CLCF1: variants seen among roughly 807,000 people sequenced by gnomAD.
The protein encoded by CLCF1 is cardiotrophin like cytokine factor 1, also known as cardiotrophin-like cytokine factor 1.
Under a neutral mutation model 21.2 loss-of-function variants are expected in CLCF1, and 10 were observed. That is an observed-to-expected ratio of 0.47 (90% CI 0.29 to 0.80). CLCF1 has a LOEUF of 0.80. Ranked by LOEUF, CLCF1 falls within the 30% of genes least tolerant of loss-of-function variation. The pLI is 0.09. For missense variants in CLCF1, 240 were observed against 293.4 expected (o/e 0.82, Z 1.33); for synonymous variants, 115 against 120.5 (o/e 0.95, Z 0.30).
upstream of CLCF1, chr11:67,374,158 G>C: frequency 1.0e-6 from 1 of 985,552 alleles, no homozygotes. Context: ...AAATGCCAGC[G>C]AGCTGGCCTG....
intron 1 of CLCF1, 96 bp downstream of exon 1, chr11:67,373,428 C>T: frequency 1.5e-6 from 1 of 656,456 alleles, no homozygotes; most frequent in Non-Finnish European, 2.4e-6. Flanking sequence ...GGCCCGGCCC[C>T]GGCGCGGGGC....
chr11:67,369,937 CT>C, intron 1 of CLCF1: 1 of 985,134 alleles, frequency 1.0e-6, no homozygotes, highest in Non-Finnish European at 1.2e-6. Flanking sequence ...AAAAAAACGG[CT>C]CATGAAATTA....
intron 1 of CLCF1, chr11:67,368,402 G>A (rs1177462221): frequency 2.0e-6 from 2 of 985,296 alleles, no homozygotes; most frequent in African/African-American, 1.7e-5. Flanking sequence ...GGGACAGGAA[G>A]GGAGAGAGGT....
At chr11:67,373,491 CG>C (rs1220779224) in intron 1 of CLCF1, 32 bp downstream of exon 1, 6 of 1,148,434 alleles carry the variant, frequency 5.2e-6, no homozygotes, top group Admixed American at 2.6e-5. Flanking sequence ...CTTGGCGGGG[CG>C]GGGGTCGGGG....
chr11:67,370,901 A>T, intron 1 of CLCF1: 2 of 985,452 alleles, frequency 2.0e-6, no homozygotes, highest in Non-Finnish European at 2.4e-6. Context: ...TGTTGCAGCC[A>T]GGGAGGCACT....
In CLCF1 at chr11:67,373,534, G is replaced by A. The variant is rs887392779; in HGVS notation, c.6C>T (p.Asp2=). 1.4e-5 allele frequency: 20 copies of A among 1,431,096 alleles called. No homozygotes were observed. The highest frequency in any genetic ancestry group is 4.5e-4 in the Middle Eastern group (2 of 4,418). The allele number at this position is 1,431,096 out of a possible 1,614,324, so 88.6% of individuals were successfully genotyped here. Residue 2 remains aspartate (D), a synonymous_variant, in exon 1 of 3, where the codon GAC becomes GAT. Coordinates refer to ENST00000312438, the MANE Select transcript of CLCF1 (RefSeq NM_013246.3). M[D]LRAGDSWGML... ...CCGCCTGGCTCCTACCTGCTCGGAG[G>A]TCCATGGGGCTGGGGCCGGGCCGGC...
intron 1 of CLCF1, chr11:67,371,207 C>T (rs1862226272): frequency 2.7e-6 from 1 of 376,236 alleles, no homozygotes; most frequent in Non-Finnish European, 3.7e-6. Context: ...GCTGCTTTCC[C>T]CTCTCTTACT....
intron 1 of CLCF1, chr11:67,370,452 A>G (rs1344405547): frequency 1.0e-6 from 1 of 974,650 alleles, no homozygotes; most frequent in Admixed American, 6.7e-5. Flanking sequence ...CTGCCCACTG[A>G]TTGTTTACAT....
intron 1 of CLCF1, chr11:67,370,124 G>T (rs1057056932): frequency 1.0e-6 from 1 of 985,294 alleles, no homozygotes; most frequent in African/African-American, 1.7e-5. Context: ...GAAAGGGGGG[G>T]TAGAAGGACA....
chr11:67,366,977 C>T (rs532226933), intron 2 of CLCF1, among the ~76,000 whole-genome samples: 1 of 152,114 alleles, frequency 6.6e-6, no homozygotes, highest in East Asian at 1.9e-4. Flanking sequence ...CAGTCCCCTT[C>T]CCCCATGACC....
In CLCF1 at chr11:67,367,544, G is replaced by A. The variant is rs771535281; in HGVS notation, c.99C>T (p.Asp33=). 1.2e-6 allele frequency: 2 copies of A among 1,614,178 alleles called. No individual in the cohort carries two copies. Among genetic ancestry groups the A allele is most frequent in the Admixed American group, 3.3e-5 (2 of 60,034 alleles). Residue 33 remains aspartate (D), a synonymous_variant, in exon 2 of 3, where the codon GAC becomes GAT. Coordinates refer to ENST00000312438, the MANE Select transcript of CLCF1 (RefSeq NM_013246.3). Reference sequence around the variant, plus strand: ...TCTGGATGGAGGGGCCAGGCCCTGGGTCCCCTGTGCGATTGAGAGCTGGCA... The same window carrying A: ...TCTGGATGGAGGGGCCAGGCCCTGGATCCCCTGTGCGATTGAGAGCTGGCA... The part of the protein sequence containing the change: ...PAVPALNRTG[D]PGPGPSIQKT...
chr11:67,365,700 G>A lies in CLCF1; in HGVS notation c.184-70C>T. 1.3e-6 allele frequency: 2 copies of A among 1,518,018 alleles called. No homozygotes were observed. Among genetic ancestry groups the A allele is most frequent in the Non-Finnish European group, 1.8e-6 (2 of 1,133,872 alleles). 94.0% of individuals were successfully genotyped at this position (1,518,018 alleles called of 1,614,324 possible). On this transcript the variant is annotated intron_variant, in intron 2 of 2. Transcript: ENST00000312438. This position sits in a 1 kb window ranked among gnomAD's most constrained non-coding sequence, Gnocchi z 5.0. ...CTGGCTCACCACCAAGGAGATACCT[G>A]CTCCCAAAGTTTCTATTTTTTGTGT...
upstream of CLCF1, chr11:67,373,978 GGCGTTGGCCT>G (rs1862293033): frequency 1.7e-5 from 15 of 859,424 alleles, no homozygotes; most frequent in Admixed American, 4.6e-4. Flanking sequence ...CTTCTCCCCA[GGCGTTGGCCT>G]GGGACACCGC....
At chr11:67,369,656 C>G (rs1590916273) in intron 1 of CLCF1, 2 of 985,444 alleles carry the variant, frequency 2.0e-6, no homozygotes, top group Non-Finnish European at 2.4e-6. Context: ...CTTTCAGCAT[C>G]GAGTCTGGCT....
intron 1 of CLCF1, 89 bp from the exon 2 acceptor site, chr11:67,367,715 T>G: frequency 7.2e-6 from 11 of 1,517,686 alleles, no homozygotes; most frequent in Admixed American, 3.9e-5. Context: ...GTCCCCACCT[T>G]GGGCTGGGTG....
rs371946394 is a variant in CLCF1, at chr11:67,370,994, G to A, written c.16+2530C>T. On this transcript the variant is annotated intron_variant, in intron 1 of 2. Coordinates refer to ENST00000312438, the MANE Select transcript of CLCF1 (RefSeq NM_013246.3). Reference sequence around the variant, plus strand: ...GAGGAAAGGCCAGACCAGGACCAGCGCTGGCTGCGGTTGGAGGGGTCTGTT... The same window carrying A: ...GAGGAAAGGCCAGACCAGGACCAGCACTGGCTGCGGTTGGAGGGGTCTGTT... The A allele has an allele frequency of 1.2e-4, 115 of 985,272 alleles. No homozygotes were observed. The South Asian group carries it at 3.8e-3, about 32-fold the overall frequency. 61.0% of individuals were successfully genotyped at this position (985,272 alleles called of 1,614,324 possible). A position where few individuals can be genotyped will look rare whatever the true frequency, so the allele number is the denominator to read the frequency against.
In CLCF1 at chr11:67,367,532, G is replaced by C; in HGVS notation, c.111C>G (p.Gly37=). The change falls in exon 2 of 3, where the codon GGC becomes GGG. Residue 37 remains glycine, a synonymous_variant. Transcript: ENST00000312438. ...ALNRTGDPGP[G]PSIQKTYDLT... ...GGTCATAGGTTTTCTGGATGGAGGG[G>C]CCAGGCCCTGGGTCCCCTGTGCGAT... 1.2e-6 allele frequency: 2 copies of C among 1,614,224 alleles called. No homozygotes were observed. Among genetic ancestry groups the C allele is most frequent in the Non-Finnish European group, 1.7e-6 (2 of 1,180,018 alleles).
intron 2 of CLCF1, 135 bp downstream of exon 2, chr11:67,367,325 C>T: frequency 7.2e-7 from 1 of 1,396,608 alleles, no homozygotes; most frequent in Non-Finnish European, 1.0e-6. Flanking sequence ...AGGAGATAGA[C>T]CAGACAGGGG....
intron 2 of CLCF1, among the ~76,000 whole-genome samples, chr11:67,366,648 C>G (rs141011378): frequency 1.0e-3 from 157 of 152,204 alleles, no homozygotes; most frequent in African/African-American, 3.4e-3. Flanking sequence ...AGGGGAGAGG[C>G]CTGGGATAGG....
Sources: allele counts gnomAD v4.1 joint callset (sites outside exome capture counted in the v4.1 genomes callset), GRCh38; gene constraint gnomAD v4.1.1; non-coding constraint Gnocchi (gnomAD v3.1); transcripts MANE v1.5; gene names NCBI Gene and HGNC (gene_info 2026-07-23, HGNC 2026-07-21).